Variants in SLC24A2 observed in about 807,000 individuals in gnomAD.
SLC24A2 encodes solute carrier family 24 member 2.
SLC24A2 carries 36 observed loss-of-function variants against 62.0 expected under a neutral mutation model. That is an observed-to-expected ratio of 0.58 (90% confidence interval 0.44 to 0.77). SLC24A2 has a LOEUF of 0.77. Among genes scored for constraint, SLC24A2 ranks in the 30% least tolerant of loss-of-function variants. The pLI is 0.00. For synonymous variants in SLC24A2, 358 were observed against 294.0 expected, an observed-to-expected ratio of 1.22 and a Z score of -2.23; for missense variants, 846 against 817.9, an observed-to-expected ratio of 1.03 and a Z score of -0.42.
At chr9:19,831,585 T>C in the SLC24A2 span, among the ~76,000 whole-genome samples, 4 of 152,356 alleles carry the variant, frequency 2.6e-5, no homozygotes, top group East Asian at 7.7e-4. Context: ...AGATTCTCGA[T>C]GACACTGCTT....
intron 7 of SLC24A2, among the ~76,000 whole-genome samples, chr9:19,554,569 G>C (rs1834990743): frequency 6.6e-6 from 1 of 152,172 alleles, no homozygotes; most frequent in Non-Finnish European, 1.5e-5. Context: ...TTTTACCTAG[G>C]CTTGGAATAA....
chr9:19,661,993 C>G (rs2118246045), intron 2 of SLC24A2, among the ~76,000 whole-genome samples: 1 of 152,344 alleles, frequency 6.6e-6, no homozygotes, highest in South Asian at 2.1e-4. Flanking sequence ...TTTATGTGCA[C>G]CTGAGCCTTA....
intron 5 of SLC24A2, among the ~76,000 whole-genome samples, chr9:19,580,937 C>T (rs1836187009): frequency 6.6e-6 from 1 of 152,124 alleles, no homozygotes; most frequent in Non-Finnish European, 1.5e-5. Context: ...GCCTGTCATC[C>T]AGGGAAGGGC....
At chr9:20,047,851 T>C in the SLC24A2 span, among the ~76,000 whole-genome samples, 61 of 151,702 alleles carry the variant, frequency 4.0e-4, no homozygotes, top group African/African-American at 1.3e-3. Context: ...ATTCAGACCA[T>C]AGCAGGATGA....
the SLC24A2 span, among the ~76,000 whole-genome samples, chr9:20,095,267 T>C: frequency 1.3e-5 from 2 of 152,226 alleles, no homozygotes; most frequent in Non-Finnish European, 2.9e-5. Context: ...ATGGTAAACA[T>C]TGATAAAGAT....
chr9:19,866,627 T>C, the SLC24A2 span, among the ~76,000 whole-genome samples: 1 of 2,796 alleles, frequency 3.6e-4, no homozygotes, highest in Admixed American at 5.7e-3. Flanking sequence ...CGTTTTCACT[T>C]TTTTTTTTTT....
At chr9:20,201,102 G>C in the SLC24A2 span, among the ~76,000 whole-genome samples, 1 of 152,216 alleles carries the variant, frequency 6.6e-6, no homozygotes, top group Non-Finnish European at 1.5e-5. Context: ...CAAGTACACA[G>C]AGTGGGACAC....
chr9:19,533,130 T>G (rs572717821), intron 8 of SLC24A2, among the ~76,000 whole-genome samples: 15 of 152,308 alleles, frequency 9.8e-5, no homozygotes, highest in Non-Finnish European at 1.6e-4. Context: ...TAAAAGCTAG[T>G]GGGAGTACTA....
intron 1 of SLC24A2, chr9:19,788,469 C>A (rs1413343200): frequency 1.0e-6 from 1 of 980,252 alleles, no homozygotes; most frequent in Non-Finnish European, 1.2e-6. Flanking sequence ...CTTTGCCTTG[C>A]GTGGTCCCAA....
the SLC24A2 span, among the ~76,000 whole-genome samples, chr9:20,230,256 G>T: frequency 6.6e-6 from 1 of 152,120 alleles, no homozygotes; most frequent in Non-Finnish European, 1.5e-5. Flanking sequence ...CCCAGTAATG[G>T]GATGGCTGGG....
At chr9:19,929,454 G>T in the SLC24A2 span, 44 of 152,204 alleles carry the variant, frequency 2.9e-4, no homozygotes, top group African/African-American at 1.1e-3. Flanking sequence ...AATATATGAT[G>T]GTGATCCCAG....
the SLC24A2 span, among the ~76,000 whole-genome samples, chr9:20,214,662 T>C: frequency 1.3e-5 from 2 of 152,046 alleles, no homozygotes; most frequent in African/African-American, 2.4e-5. Context: ...GTAAATCTCA[T>C]GTTAAGTATT....
chr9:19,661,647 T>C (rs145766823), intron 2 of SLC24A2, among the ~76,000 whole-genome samples: 1 of 152,278 alleles, frequency 6.6e-6, no homozygotes, highest in African/African-American at 2.4e-5. Flanking sequence ...GAAGTCCAAA[T>C]AAAGGGTGTG....
intron 2 of SLC24A2, among the ~76,000 whole-genome samples, chr9:19,715,638 G>C (rs1167823045): frequency 1.3e-5 from 2 of 152,188 alleles, no homozygotes; most frequent in African/African-American, 4.8e-5. Flanking sequence ...CCCAGGTACA[G>C]TCCACAAATA....
At chr9:19,904,219 C>T in the SLC24A2 span, among the ~76,000 whole-genome samples, 2 of 152,240 alleles carry the variant, frequency 1.3e-5, no homozygotes, top group African/African-American at 4.8e-5. Context: ...AATCTGCACT[C>T]TGACAAGATG....
chr9:20,143,072 G>C, the SLC24A2 span, among the ~76,000 whole-genome samples: 4 of 152,200 alleles, frequency 2.6e-5, no homozygotes, highest in Non-Finnish European at 5.9e-5. Flanking sequence ...AAGTGACAGA[G>C]TCTGCATTCA....
At chr9:19,564,575 GAAT>G (rs1835573405) in intron 7 of SLC24A2, among the ~76,000 whole-genome samples, 1 of 152,012 alleles carries the variant, frequency 6.6e-6, no homozygotes, top group Non-Finnish European at 1.5e-5. Context: ...ACATTCCTAG[GAAT>G]GTCATTTTCT....
the SLC24A2 span, among the ~76,000 whole-genome samples, chr9:20,258,299 G>A: frequency 6.7e-4 from 102 of 152,350 alleles, no homozygotes; most frequent in Admixed American, 2.5e-3. Context: ...TAAGCACTGA[G>A]CCTATCCCTC....
At chr9:20,196,562 T>G in the SLC24A2 span, among the ~76,000 whole-genome samples, 2 of 152,214 alleles carry the variant, frequency 1.3e-5, no homozygotes, top group Non-Finnish European at 2.9e-5. Flanking sequence ...CCATTTATAT[T>G]TTCTCATAAT....
Sources: allele counts gnomAD v4.1 joint callset (sites outside exome capture counted in the v4.1 genomes callset), GRCh38; gene constraint gnomAD v4.1.1; transcripts MANE v1.5; gene names NCBI Gene and HGNC (gene_info 2026-07-23, HGNC 2026-07-21).